Variants in UBE3D observed in about 807,000 individuals in gnomAD.
UBE3D encodes ubiquitin protein ligase E3D, also known as E3 ubiquitin-protein ligase E3D.
A neutral mutation model predicts 49.6 loss-of-function variants in UBE3D; 48 were observed. The observed-to-expected ratio is 0.97, with a 90% CI of 0.77 to 1.23. The LOEUF is 1.23. Among genes scored for constraint, UBE3D ranks in the 50% most tolerant of loss-of-function variants. The probability of loss-of-function intolerance (pLI) is 0.00; values close to 1 mark genes in which losing one functional copy is unlikely to be tolerated. For synonymous variants in UBE3D, 189 were observed against 174.2 expected (o/e 1.08, Z -0.67); for missense variants, 452 against 468.4 (o/e 0.96, Z 0.32).
chr6:83,024,978 G>A (rs961216362), intron 5 of UBE3D, among the ~76,000 whole-genome samples: 1 of 152,142 alleles, frequency 6.6e-6, no homozygotes, highest in Non-Finnish European at 1.5e-5. Flanking sequence ...ATTCAAGCTC[G>A]ACTTTTATTC....
chr6:82,887,389 G>GTTTT, the UBE3D span, among the ~76,000 whole-genome samples: 2 of 98,368 alleles, frequency 2.0e-5, no homozygotes, highest in Non-Finnish European at 3.7e-5. Context: ...GACAGTAACA[G>GTTTT]TTTTTTTTTT....
intron 8 of UBE3D, among the ~76,000 whole-genome samples, chr6:82,982,298 A>G (rs1344110032): frequency 1.3e-5 from 2 of 152,202 alleles, no homozygotes; most frequent in African/African-American, 4.8e-5. Context: ...ATTTTAAAAT[A>G]TCATATCCGT....
chr6:83,023,214 T>G lies in UBE3D; in HGVS notation c.738-653A>C, dbSNP rs111430399. On this transcript the variant is annotated intron_variant, in intron 6 of 9. Coordinates refer to ENST00000369747, the MANE Select transcript of UBE3D (RefSeq NM_198920.3). ...TTGAAACTGACCCATGTTTCAAATT[T>G]TAAATAATTCAAATTAAAACCAGAA... 9.7e-3 allele frequency among the ~76,000 whole-genome samples: 1,472 copies of G among 152,304 alleles called. 22 individuals are homozygous for G. Among genetic ancestry groups the G allele is most frequent in the African/African-American group, 0.034 (1,395 of 41,562 alleles).
At position 82,949,502 on chromosome 6, in the gene UBE3D, G is replaced by GA. The variant is rs565793711; in HGVS notation, c.1149+7809dup. ...TAAACAATGACATTCTTCAGAAATA[G>GA]AAAAAAAAAATCTTAAAAGTTATAT... On this transcript the variant is annotated intron_variant, in intron 9 of 9. Coordinates refer to ENST00000369747, the MANE Select transcript of UBE3D (RefSeq NM_198920.3). Among the ~76,000 whole-genome samples the GA allele has an allele frequency of 6.9e-4, 102 of 148,312 alleles. 1 individual carries two copies. The Middle Eastern group carries it at 0.01, about 15-fold the overall frequency.
chr6:83,016,396 A>G lies in UBE3D; in HGVS notation c.1010+2577T>C, dbSNP rs563897979. ...TTTTGCATAACTCTCTATACAGTTC[A>G]TGCCAAGGACTATCAGCATTCTCCA... On this transcript the variant is annotated intron_variant, in intron 8 of 9. Coordinates refer to ENST00000369747, the MANE Select transcript of UBE3D (RefSeq NM_198920.3). Among the ~76,000 whole-genome samples, 5 of 152,290 alleles carry G rather than the reference A, an allele frequency of 3.3e-5. No individual in the cohort carries two copies. The East Asian group carries it at 7.7e-4, about 24-fold the overall frequency.
intron 9 of UBE3D, among the ~76,000 whole-genome samples, chr6:82,906,505 G>C (rs1227265154): frequency 6.6e-6 from 1 of 152,098 alleles, no homozygotes; most frequent in East Asian, 1.9e-4. Flanking sequence ...ATAATAATTT[G>C]ATTACTTTTT....
chr6:82,969,763 AT>A (rs2127703464), intron 8 of UBE3D, among the ~76,000 whole-genome samples: 1 of 152,280 alleles, frequency 6.6e-6, no homozygotes, highest in Non-Finnish European at 1.5e-5. Context: ...CAAAATTTAT[AT>A]TTTAATTTAA....
In UBE3D at chr6:82,963,227, A is replaced by T. The variant is rs139821224; in HGVS notation, c.1011-5777T>A. Among the ~76,000 whole-genome samples, 125 of 149,220 alleles carry T rather than the reference A, an allele frequency of 8.4e-4. 1 individual carries two copies. The Middle Eastern group carries it at 0.014, about 17-fold the overall frequency. Reference sequence around the variant, plus strand: ...TTTTTTTTGGAGAAAGAAATAAAAGAGAACAAAATGGAAAGAGGAAGAAAT... The same window carrying T: ...TTTTTTTTGGAGAAAGAAATAAAAGTGAACAAAATGGAAAGAGGAAGAAAT... On this transcript the variant is annotated intron_variant, in intron 8 of 9. Coordinates refer to ENST00000369747, the MANE Select transcript of UBE3D (RefSeq NM_198920.3).
intron 9 of UBE3D, among the ~76,000 whole-genome samples, chr6:82,937,402 G>A (rs1774661401): frequency 6.6e-6 from 1 of 151,406 alleles, no homozygotes; most frequent in East Asian, 1.9e-4. Flanking sequence ...CCCTCCATGA[G>A]TGAAGCAAGC....
the UBE3D span, among the ~76,000 whole-genome samples, chr6:82,883,344 C>T: frequency 3.3e-5 from 5 of 152,224 alleles, no homozygotes; most frequent in Non-Finnish European, 1.5e-5. Context: ...TAACTCAAAT[C>T]GATCATACCC....
chr6:82,943,773 C>T (rs751074918), intron 9 of UBE3D, among the ~76,000 whole-genome samples: 2 of 151,364 alleles, frequency 1.3e-5, no homozygotes, highest in African/African-American at 2.4e-5. Flanking sequence ...CTCCCATTCC[C>T]CCACAGCACC....
At chr6:82,885,911 C>G in the UBE3D span, among the ~76,000 whole-genome samples, 1 of 152,102 alleles carries the variant, frequency 6.6e-6, no homozygotes, top group Non-Finnish European at 1.5e-5. Flanking sequence ...CACTTAAGGC[C>G]CACATAAAAT....
At chr6:82,905,114 T>A (rs1582295010) in intron 9 of UBE3D, among the ~76,000 whole-genome samples, 1 of 152,296 alleles carries the variant, frequency 6.6e-6, no homozygotes, top group East Asian at 1.9e-4. Context: ...TATATGAAAC[T>A]ATTTGGCTGA....
At chr6:82,966,552 A>T (rs1318225630) in intron 8 of UBE3D, among the ~76,000 whole-genome samples, 1 of 100,666 alleles carries the variant, frequency 9.9e-6, no homozygotes, top group Non-Finnish European at 2.0e-5. Flanking sequence ...CGGGAGGCTG[A>T]GGCAGGAGAA....
intron 9 of UBE3D, among the ~76,000 whole-genome samples, chr6:82,950,820 G>C (rs1380132914): frequency 6.6e-6 from 1 of 152,112 alleles, no homozygotes; most frequent in African/African-American, 2.4e-5. Flanking sequence ...GATGGAACTG[G>C]AGGTCATTAT....
intron 8 of UBE3D, among the ~76,000 whole-genome samples, chr6:82,960,911 A>G (rs1355025738): frequency 6.6e-6 from 1 of 152,126 alleles, no homozygotes; most frequent in Non-Finnish European, 1.5e-5. Flanking sequence ...GCCACCCACA[A>G]TAGGGTTCAC....
intron 9 of UBE3D, among the ~76,000 whole-genome samples, chr6:82,956,061 TA>T (rs1776136901): frequency 6.6e-6 from 1 of 152,148 alleles, no homozygotes; most frequent in Non-Finnish European, 1.5e-5. Context: ...GGAATGTAAA[TA>T]AGATTGGAGC....
At chr6:82,986,076 C>T (rs1233039488) in intron 8 of UBE3D, among the ~76,000 whole-genome samples, 1 of 152,042 alleles carries the variant, frequency 6.6e-6, no homozygotes, top group Non-Finnish European at 1.5e-5. Context: ...TTTTATTGGG[C>T]TTTAGTTTAT....
chr6:82,965,378 G>A (rs528612798), intron 8 of UBE3D, among the ~76,000 whole-genome samples: 44 of 152,146 alleles, frequency 2.9e-4, no homozygotes, highest in Non-Finnish European at 3.8e-4. Context: ...GAGGTCGGGA[G>A]TTCAAGACCA....
Sources: allele counts gnomAD v4.1 joint callset (sites outside exome capture counted in the v4.1 genomes callset), GRCh38; gene constraint gnomAD v4.1.1; transcripts MANE v1.5; gene names NCBI Gene and HGNC (gene_info 2026-07-23, HGNC 2026-07-21).